Variants in PTPRT observed in about 807,000 individuals in gnomAD.
PTPRT encodes the protein receptor-type tyrosine-protein phosphatase T.
Under a neutral mutation model 176.8 loss-of-function variants are expected in PTPRT, and 56 were observed. The ratio of observed to expected loss-of-function variants is 0.32; its 90% CI spans 0.26 to 0.40. PTPRT has a LOEUF of 0.40. Among genes scored for constraint, PTPRT ranks in the 10% least tolerant of loss-of-function variants. The probability of loss-of-function intolerance (pLI) is 1.00; values close to 1 mark genes in which losing one functional copy is unlikely to be tolerated. For missense variants in PTPRT, 1,540 were observed against 1,908.2 expected, an observed-to-expected ratio of 0.81 and a Z score of 3.60; for synonymous variants, 783 against 739.0, an observed-to-expected ratio of 1.06 and a Z score of -0.96.
intron 9 of PTPRT, among the ~76,000 whole-genome samples, chr20:42,367,704 C>A (rs1488999682): frequency 6.6e-6 from 1 of 152,060 alleles, no homozygotes; most frequent in Non-Finnish European, 1.5e-5. Context: ...GAGATTTCAG[C>A]AAGGACGTCA....
chr20:42,917,216 C>T (rs1282018941), intron 1 of PTPRT, among the ~76,000 whole-genome samples: 2 of 151,596 alleles, frequency 1.3e-5, no homozygotes, highest in African/African-American at 4.9e-5. Context: ...TATTAAATAG[C>T]AAATCCTTTC....
At chr20:42,241,640 A>G (rs58705218) in intron 14 of PTPRT, among the ~76,000 whole-genome samples, 1,559 of 152,204 alleles carry the variant, frequency 0.01, 27 homozygotes, top group African/African-American at 0.036. Flanking sequence ...CAAGGTGTTT[A>G]AGACACAAAA....
At chr20:43,093,075 G>A (rs1253619492) in intron 1 of PTPRT, among the ~76,000 whole-genome samples, 1 of 152,198 alleles carries the variant, frequency 6.6e-6, no homozygotes, top group Non-Finnish European at 1.5e-5. Flanking sequence ...TCCCAAGGAA[G>A]GTTCATTATT....
At chr20:42,817,606 C>G (rs1294532023) in intron 2 of PTPRT, among the ~76,000 whole-genome samples, 1 of 152,196 alleles carries the variant, frequency 6.6e-6, no homozygotes, top group Non-Finnish European at 1.5e-5. Flanking sequence ...AAAACAATCT[C>G]TAATCCATTG....
intron 7 of PTPRT, among the ~76,000 whole-genome samples, chr20:42,616,804 G>A (rs2074088776): frequency 1.5e-5 from 2 of 137,086 alleles, no homozygotes; most frequent in Non-Finnish European, 3.0e-5. Flanking sequence ...CTGAGAATTT[G>A]CTGAAGTTGC....
chr20:43,091,239 C>T (rs1039544474), intron 1 of PTPRT, among the ~76,000 whole-genome samples: 2 of 151,562 alleles, frequency 1.3e-5, no homozygotes, highest in East Asian at 3.9e-4. Context: ...AAAAAAAAAA[C>T]AAACCCTGAA....
chr20:43,155,119 C>T lies in PTPRT; in HGVS notation c.88+34527G>A, dbSNP rs150207594. Among the ~76,000 whole-genome samples the T allele has an allele frequency of 3.6e-3, 543 of 152,228 alleles. 4 individuals carry two copies. Among genetic ancestry groups the T allele is most frequent in the African/African-American group, 0.013 (523 of 41,534 alleles). Reference sequence around the variant, plus strand: ...TGGTGGAAATGTAAATTAGTACAGACATTATGAAAAACAGTATGGAGGTTC... The same window carrying T: ...TGGTGGAAATGTAAATTAGTACAGATATTATGAAAAACAGTATGGAGGTTC... On this transcript the variant is annotated intron_variant, in intron 1 of 30. Coordinates refer to ENST00000373187, the MANE Select transcript of PTPRT (RefSeq NM_007050.6).
At chr20:42,147,476 T>G (rs943640403) in intron 17 of PTPRT, among the ~76,000 whole-genome samples, 10 of 152,320 alleles carry the variant, frequency 6.6e-5, no homozygotes, top group Admixed American at 3.9e-4. Flanking sequence ...CTCACTGCAC[T>G]TTGCCTATGC....
intron 7 of PTPRT, among the ~76,000 whole-genome samples, chr20:42,493,848 C>T (rs2071603191): frequency 6.6e-6 from 1 of 151,852 alleles, no homozygotes; most frequent in South Asian, 2.1e-4. Flanking sequence ...TTTTTCTCTC[C>T]CCAAGCTGCT....
rs546389432 is a variant in PTPRT at position 42,280,999 on chromosome 20, G to A, written c.2176+1490C>T. ...ATCCATCTCTCCTGGTCTAGAAATC[G>A]AAAGCCACCGAGGAGCCATAGAGCA... On this transcript the variant is annotated intron_variant, in intron 13 of 30. Transcript: ENST00000373187. Among the ~76,000 whole-genome samples, 21 of 152,096 alleles carry A rather than the reference G, an allele frequency of 1.4e-4. No individual in the cohort carries two copies. In the South Asian group the frequency reaches 3.9e-3, roughly 29 times the overall value.
chr20:42,165,912 G>A (rs767910425), intron 16 of PTPRT, among the ~76,000 whole-genome samples: 8 of 152,118 alleles, frequency 5.3e-5, no homozygotes, highest in South Asian at 4.2e-4. Flanking sequence ...TAAATAAGGC[G>A]AAAAAGAACA....
intron 13 of PTPRT, among the ~76,000 whole-genome samples, chr20:42,257,423 T>C (rs2056661136): frequency 2.6e-5 from 4 of 152,116 alleles, no homozygotes; most frequent in African/African-American, 9.7e-5. Context: ...ACATATATTC[T>C]CTCTTTTAAT....
At chr20:42,686,119 T>TA (rs2075686775) in intron 6 of PTPRT, 1 of 152,234 alleles carries the variant, frequency 6.6e-6, no homozygotes, top group Non-Finnish European at 1.5e-5. Context: ...CACAGTAGTT[T>TA]ACCTGTTTCC....
chr20:42,957,259 C>T (rs1981698368), intron 1 of PTPRT, among the ~76,000 whole-genome samples: 1 of 152,158 alleles, frequency 6.6e-6, no homozygotes, highest in Admixed American at 6.5e-5. Flanking sequence ...CGCAGCAGTA[C>T]ACGGCAAGCC....
Position 42,080,139 on chromosome 20 carries a change from A to G in PTPRT, c.*740T>C. ...TTACAAAGACAAGGAGGAGCAGAGA[A>G]GTTCCCTGCAGTTCCACCCCCTCCC... On this transcript the variant is annotated 3_prime_UTR_variant, in exon 31 of 31. Transcript: ENST00000373187. 4.3e-6 allele frequency: 1 copy of G among 232,952 alleles called. No individual in the cohort carries two copies. The highest frequency in any genetic ancestry group is 8.5e-6 in the Non-Finnish European group (1 of 117,846). The allele number at this position is 232,952 out of a possible 1,614,324, so 14.4% of individuals were successfully genotyped here.
intron 12 of PTPRT, among the ~76,000 whole-genome samples, chr20:42,303,177 T>G (rs959741241): frequency 2.0e-5 from 3 of 152,242 alleles, no homozygotes; most frequent in Non-Finnish European, 2.9e-5. Flanking sequence ...ACCTTAATGA[T>G]TCCTGCTCTG....
chr20:42,691,806 C>T (rs191649747), intron 6 of PTPRT, among the ~76,000 whole-genome samples: 6 of 152,250 alleles, frequency 3.9e-5, no homozygotes, highest in East Asian at 1.9e-4. Flanking sequence ...GCCAGATGGA[C>T]GCTGGGCTCC....
chr20:42,132,781 A>G (rs535497112), intron 18 of PTPRT, among the ~76,000 whole-genome samples: 1 of 152,102 alleles, frequency 6.6e-6, no homozygotes, highest in African/African-American at 2.4e-5. Context: ...GACTAAACAT[A>G]CACTTACCAT....
At chr20:42,539,399 C>G (rs1180534761) in intron 7 of PTPRT, among the ~76,000 whole-genome samples, 4 of 145,518 alleles carry the variant, frequency 2.7e-5, no homozygotes, top group South Asian at 4.4e-4. Context: ...CAGGGTTGGG[C>G]CTGGTTAGTA....
Sources: gnomAD v4.1 joint callset for allele counts (sites outside exome capture counted in the v4.1 genomes callset) on GRCh38, gnomAD v4.1.1 for gene constraint, MANE v1.5 for transcripts, NCBI Gene and HGNC (gene_info 2026-07-23, HGNC 2026-07-21) for gene names.